The following DISP3 variants were observed in gnomAD, a reference collection of about 807,000 sequenced individuals.
The protein encoded by DISP3 is protein dispatched homolog 3.
DISP3 carries 101 observed loss-of-function variants against 135.3 expected under a neutral mutation model. That is an observed-to-expected ratio of 0.75 (90% confidence interval 0.64 to 0.88). The LOEUF (loss-of-function observed/expected upper bound fraction) is 0.88. Ranked by LOEUF, DISP3 falls within the 40% of genes least tolerant of loss-of-function variation. The pLI, the probability that DISP3 is intolerant of heterozygous loss-of-function variation, is 0.00. For missense variants in DISP3, 1,713 were observed against 1,878.6 expected, an observed-to-expected ratio of 0.91 and a Z score of 1.63; for synonymous variants, 856 against 817.0, an observed-to-expected ratio of 1.05 and a Z score of -0.81.
At chr1:11,517,404 A>C (rs1570116394) in intron 6 of DISP3, 59 bp from the exon 7 acceptor site, 1 of 1,595,606 alleles carries the variant, frequency 6.3e-7, no homozygotes, top group Non-Finnish European at 8.6e-7. Flanking sequence ...GGGGGCACCC[A>C]GGCCCCCTGA....
Position 11,526,784 on chromosome 1 carries a change from G to A in DISP3, c.2747G>A (p.Trp916Ter), listed in dbSNP as rs1283086291. 1 of 1,612,824 alleles carries A rather than the reference G, an allele frequency of 6.2e-7. No individual in the cohort carries two copies. Among genetic ancestry groups the A allele is most frequent in the Non-Finnish European group, 8.5e-7 (1 of 1,180,026 alleles). Residue 916 changes from tryptophan (W) to a stop codon, truncating the protein, a stop_gained, in exon 13 of 21, where the codon TGG (tryptophan) becomes TAG (stop). Transcript: ENST00000294484. LOFTEE classifies it high-confidence loss of function. ...TTGGCCTGTGATGCCAAGCGGGGCT[G>A]GAAGTTTGACTTCAGCTTCTACGTG... Reference protein sequence around the residue: ...TTLACDAKRGWKFDFSFYVAT... With the variant: ...TTLACDAKRG
rs1642700429 is a variant in DISP3 at position 11,536,117 on chromosome 1, C to T, written c.3817-207C>T. The stretch of plus-strand genomic sequence containing the variant: ...ATGTGTAAAGATCAACTCAGTTACA[C>T]AGGACCTACTGTGCAGACCCTCGCG... On this transcript the variant is annotated intron_variant, in intron 20 of 20. Coordinates refer to ENST00000294484, the MANE Select transcript of DISP3 (RefSeq NM_020780.2). This position sits in a 1 kb window ranked among gnomAD's most constrained non-coding sequence, Gnocchi z 4.3. 2.6e-5 allele frequency among the ~76,000 whole-genome samples: 4 copies of T among 152,312 alleles called. No individual in the cohort carries two copies. In the South Asian group the frequency reaches 8.3e-4, roughly 32 times the overall value.
chr1:11,515,423 T>A lies in DISP3; in HGVS notation c.1508T>A (p.Leu503His). Residue 503 changes from leucine to histidine, a missense_variant, in exon 5 of 21, where the codon CTC (leucine) becomes CAC (histidine). Around this residue, in one of 2 missense-constraint regions of DISP3, gnomAD observed 1,142 missense variants for 1,384.6 expected, o/e 0.82. Transcript: ENST00000294484. Reference protein sequence around the residue: ...ASIGLSCLVALFLYHVVFGIQ... With the variant: ...ASIGLSCLVAHFLYHVVFGIQ... ...ATTGGTCTCAGCTGCCTGGTGGCCC[T>A]CTTCCTGTACCACGTGGTCTTTGGT... The A allele has an allele frequency of 6.2e-7, 1 of 1,614,212 alleles. No individual in the cohort carries two copies. Among genetic ancestry groups the A allele is most frequent in the Non-Finnish European group, 8.5e-7 (1 of 1,180,006 alleles).
chr1:11,486,746 C>T (rs553679624), intron 1 of DISP3, among the ~76,000 whole-genome samples: 1 of 152,178 alleles, frequency 6.6e-6, no homozygotes, highest in African/African-American at 2.4e-5. Context: ...GCTGCAATCA[C>T]AGCTCACTGC....
At chr1:11,525,037 G>T in intron 11 of DISP3, 139 bp from the exon 12 acceptor site, 1 of 1,059,090 alleles carries the variant, frequency 9.4e-7, no homozygotes, top group Non-Finnish European at 1.4e-6. Flanking sequence ...GTAGAGAGGG[G>T]CACAGCCAGC....
At chr1:11,482,771 A>T (rs1352896548) in intron 1 of DISP3, among the ~76,000 whole-genome samples, 1 of 152,026 alleles carries the variant, frequency 6.6e-6, no homozygotes, top group Non-Finnish European at 1.5e-5. Context: ...GGGGTGTGGG[A>T]TTGTCCATCA....
rs767238742 is a variant in DISP3 at position 11,536,628 on chromosome 1, G to T, written c.4121G>T (p.Cys1374Phe). Residue 1374 changes from cysteine (C) to phenylalanine (F), a missense_variant, in exon 21 of 21, where the codon TGC becomes TTC. Around this residue, in one of 2 missense-constraint regions of DISP3, gnomAD observed 1,142 missense variants for 1,384.6 expected, o/e 0.82. Coordinates refer to ENST00000294484, the MANE Select transcript of DISP3 (RefSeq NM_020780.2). This position sits in a 1 kb window ranked among gnomAD's most constrained non-coding sequence, Gnocchi z 4.3. Reference protein sequence around the residue: ...LLAGALGLGACLVLLQSGYKI... With the variant: ...LLAGALGLGAFLVLLQSGYKI... ...GCAGGGGCCCTGGGGCTGGGTGCCT[G>T]CCTCGTGCTCCTGCAGAGCGGCTAT... 1 of 1,606,194 alleles carries T rather than the reference G, an allele frequency of 6.2e-7. No individual in the cohort carries two copies. Among genetic ancestry groups the T allele is most frequent in the Non-Finnish European group, 8.5e-7 (1 of 1,177,640 alleles).
At chr1:11,486,424 A>G (rs1446661701) in intron 1 of DISP3, among the ~76,000 whole-genome samples, 7 of 152,132 alleles carry the variant, frequency 4.6e-5, no homozygotes, top group Non-Finnish European at 8.8e-5. Context: ...AAGCTGGGAA[A>G]AGGCTGGCTG....
chr1:11,523,988 G>A lies in DISP3; in HGVS notation c.2409G>A (p.Thr803=), dbSNP rs1472377663. The change falls in exon 11 of 21, where the codon ACG becomes ACA. Residue 803 remains threonine (T), a synonymous_variant. Transcript: ENST00000294484. The part of the protein sequence containing the change: ...KPHSLQNNIR[T]SLEKKRRGSG... Reference sequence around the variant, plus strand: ...ACAGCCTGCAGAACAACATCCGGACGTCCCTGGAGAAGAAGAGGCGAGGCT... The same window carrying A: ...ACAGCCTGCAGAACAACATCCGGACATCCCTGGAGAAGAAGAGGCGAGGCT... The A allele has an allele frequency of 5.6e-6, 9 of 1,613,216 alleles. No individual in the cohort carries two copies. The highest frequency in any genetic ancestry group is 2.2e-5 in the South Asian group (2 of 91,070).
rs1022138272 is a variant in DISP3, at chr1:11,536,881, C to T, written c.*195C>T. On this transcript the variant is annotated 3_prime_UTR_variant, in exon 21 of 21. Transcript: ENST00000294484. This position sits in a 1 kb window ranked among gnomAD's most constrained non-coding sequence, Gnocchi z 4.3. The stretch of plus-strand genomic sequence containing the variant: ...GGAGCTGGGAGTTGGAGACAGCCGC[C>T]ACCCCACAGGCCGGGCTACTGGCAG... The T allele has an allele frequency of 5.8e-5, 45 of 770,936 alleles. No homozygotes were observed. In the African/African-American group the frequency reaches 7.0e-4, roughly 12 times the overall value. 47.8% of individuals were successfully genotyped at this position (770,936 alleles called of 1,614,324 possible). A position where few individuals can be genotyped will look rare whatever the true frequency, so the allele number is the denominator to read the frequency against.
chr1:11,525,660 C>T (rs546095354), intron 12 of DISP3, among the ~76,000 whole-genome samples: 6 of 152,372 alleles, frequency 3.9e-5, no homozygotes, highest in South Asian at 2.1e-4. Flanking sequence ...AGGCCTGTGC[C>T]GTGCAGAACG....
rs549218280 is a variant in DISP3 at position 11,528,216 on chromosome 1, G to T, written c.2799-1340G>T. On this transcript the variant is annotated intron_variant, in intron 13 of 20. Transcript: ENST00000294484. ...GGAGAGCGAGGGGAGGGCCCCTGTT[G>T]TATTCACTTGCCACAGGCCCAGTCC... 2.1e-4 allele frequency among the ~76,000 whole-genome samples: 32 copies of T among 152,316 alleles called. No individual in the cohort carries two copies. In the East Asian group the frequency reaches 5.4e-3, roughly 26 times the overall value.
chr1:11,506,646 T>A (rs1326127578), intron 3 of DISP3, among the ~76,000 whole-genome samples: 1 of 152,158 alleles, frequency 6.6e-6, no homozygotes, highest in Non-Finnish European at 1.5e-5. Context: ...TTGTCCACAT[T>A]TTCCTCTCTG....
intron 10 of DISP3, among the ~76,000 whole-genome samples, chr1:11,522,794 GCCCAGCCAGGA>G (rs1557615460): frequency 1.3e-3 from 58 of 43,376 alleles, no homozygotes; most frequent in East Asian, 3.3e-3. Flanking sequence ...CCCAGCCAGA[GCCCAGCCAGGA>G]CCCAGCCAGG....
rs761201764 is a variant in DISP3 at position 11,529,535 on chromosome 1, C to A, written c.2799-21C>A. The A allele has an allele frequency of 3.9e-6, 6 of 1,540,190 alleles. No homozygotes were observed. In the South Asian group the frequency reaches 7.4e-5, roughly 19 times the overall value. Reference sequence around the variant, plus strand: ...CCTCCTAGCCTTTCCGGCCTCAGCCCAGCCTCCATTCCCTCCACAGGAAGC... The same window carrying A: ...CCTCCTAGCCTTTCCGGCCTCAGCCAAGCCTCCATTCCCTCCACAGGAAGC... On this transcript the variant is annotated intron_variant, in intron 13 of 20. Transcript: ENST00000294484. This position sits in a 1 kb window ranked among gnomAD's most constrained non-coding sequence, Gnocchi z 4.7.
At chr1:11,534,645 GAGCCCT>G (rs1642660296) in intron 18 of DISP3, 105 bp downstream of exon 18, 1 of 1,416,064 alleles carries the variant, frequency 7.1e-7, no homozygotes, top group African/African-American at 1.4e-5. Flanking sequence ...TCCTGGCCAA[GAGCCCT>G]GAGGAAACCG....
Position 11,517,367 on chromosome 1 carries a change from C to G in DISP3, c.1750-96C>G, listed in dbSNP as rs1570116307. The stretch of plus-strand genomic sequence containing the variant: ...CCTACTGCCTCAGTCTGGGCCAGAT[C>G]TGGGGTCCTGAGTGTCTCTGGCTGC... On this transcript the variant is annotated intron_variant, in intron 6 of 20. Transcript: ENST00000294484. 1.4e-5 allele frequency: 21 copies of G among 1,513,608 alleles called. 1 individual carries two copies. In the East Asian group the frequency reaches 4.8e-4, roughly 34 times the overall value. The allele number at this position is 1,513,608 out of a possible 1,614,324, so 93.8% of individuals were successfully genotyped here.
In DISP3 at chr1:11,520,585, C is replaced by A; in HGVS notation, c.2201-102C>A. On this transcript the variant is annotated intron_variant, in intron 9 of 20. Transcript: ENST00000294484. This position sits in a 1 kb window ranked among gnomAD's most constrained non-coding sequence, Gnocchi z 4.8. ...TTCCCCCGCACCCTTAGGACACCCGCCCCCCAACAACCAGAGCAGTTGTCT... is the reference window on the plus strand; with the variant it reads ...TTCCCCCGCACCCTTAGGACACCCGACCCCCAACAACCAGAGCAGTTGTCT... 1 of 1,369,832 alleles carries A rather than the reference C, an allele frequency of 7.3e-7. No homozygotes were observed. The highest frequency in any genetic ancestry group is 1.0e-6 in the Non-Finnish European group (1 of 998,348). The allele number at this position is 1,369,832 out of a possible 1,614,324, so 84.9% of individuals were successfully genotyped here. A position where few individuals can be genotyped will look rare whatever the true frequency, so the allele number is the denominator to read the frequency against.
rs766011338 is a variant in DISP3, at chr1:11,483,122, C to G, written c.-4+3750C>G. 5.9e-5 allele frequency among the ~76,000 whole-genome samples: 9 copies of G among 152,248 alleles called. No individual in the cohort carries two copies. Among genetic ancestry groups the G allele is most frequent in the Non-Finnish European group, 1.3e-4 (9 of 68,036 alleles). On this transcript the variant is annotated intron_variant, in intron 1 of 20. Transcript: ENST00000294484. The surrounding 1 kb of genome is among the most constrained non-coding windows in gnomAD (Gnocchi z 5.4). ...CCAGGGATGGCGGCAGAGCCTCCCC[C>G]AGTGAGCTCACTCTCTGCCTGGCCG...
Sources: gnomAD v4.1 joint callset for allele counts (sites outside exome capture counted in the v4.1 genomes callset) on GRCh38, gnomAD v4.1.1 for gene constraint, gnomAD v4.1.1 regional missense constraint, Gnocchi (gnomAD v3.1) non-coding constraint, MANE v1.5 for transcripts, NCBI Gene and HGNC (gene_info 2026-07-23, HGNC 2026-07-21) for gene names.